The following SDK1 variants were observed in gnomAD, a reference collection of about 807,000 sequenced individuals.
The protein encoded by SDK1 is protein sidekick-1.
A neutral mutation model predicts 245.5 loss-of-function variants in SDK1; 157 were observed. The ratio of observed to expected loss-of-function variants is 0.64; its 90% CI spans 0.56 to 0.73. The LOEUF (loss-of-function observed/expected upper bound fraction) is 0.73. SDK1 is among the 30% of genes least tolerant of loss of function. The pLI, the probability that SDK1 is intolerant of heterozygous loss-of-function variation, is 0.00. For synonymous variants in SDK1, 1,647 were observed against 1,278.5 expected (o/e 1.29, Z -6.15); for missense variants, 3,583 against 3,002.3 (o/e 1.19, Z -4.52).
chr7:3,373,835 A>G (rs1781288580), intron 1 of SDK1, among the ~76,000 whole-genome samples: 2 of 152,286 alleles, frequency 1.3e-5, no homozygotes, highest in South Asian at 4.2e-4. Flanking sequence ...GTATATATTA[A>G]CCATTTATAA....
chr7:4,264,614 G>A (rs1419406519), intron 44 of SDK1, among the ~76,000 whole-genome samples: 15 of 149,950 alleles, frequency 1.0e-4, no homozygotes, highest in African/African-American at 3.2e-4. Context: ...CTGAGTGAGG[G>A]AAGCCGTGTG....
At chr7:4,208,438 G>A (rs1256282035) in intron 37 of SDK1, among the ~76,000 whole-genome samples, 153 bp downstream of exon 37, 1 of 152,246 alleles carries the variant, frequency 6.6e-6, no homozygotes, top group East Asian at 1.9e-4. Context: ...GGCAGGACTG[G>A]GTTTGGCTCA....
At chr7:3,906,735 A>C (rs7781092) in intron 5 of SDK1, among the ~76,000 whole-genome samples, 6,596 of 141,762 alleles carry the variant, frequency 0.047, 513 homozygotes, top group African/African-American at 0.16. Flanking sequence ...TCAAGCAATT[A>C]TCCTGCCTCA....
intron 1 of SDK1, among the ~76,000 whole-genome samples, chr7:3,449,024 G>C (rs1402065515): frequency 1.3e-5 from 2 of 152,182 alleles, no homozygotes; most frequent in African/African-American, 4.8e-5. Context: ...CATTTCTTCT[G>C]TAAAAGCAAT....
At chr7:4,162,302 A>G (rs938590204) in intron 32 of SDK1, among the ~76,000 whole-genome samples, 3 of 151,242 alleles carry the variant, frequency 2.0e-5, no homozygotes, top group African/African-American at 7.3e-5. Flanking sequence ...CAAAATATCT[A>G]CCGGATTGTA....
chr7:4,161,992 C>T, intron 32 of SDK1, 136 bp downstream of exon 32: 1 of 692,132 alleles, frequency 1.4e-6, no homozygotes, highest in Non-Finnish European at 2.5e-6. Flanking sequence ...GAGACACACC[C>T]TCAGACTCAA....
intron 1 of SDK1, among the ~76,000 whole-genome samples, chr7:3,427,700 C>T (rs1052612703): frequency 2.0e-5 from 3 of 152,032 alleles, no homozygotes; most frequent in African/African-American, 7.2e-5. Flanking sequence ...GTATTTCATC[C>T]TTTGTGCTTT....
intron 1 of SDK1, among the ~76,000 whole-genome samples, chr7:3,550,056 A>G (rs753272711): frequency 1.3e-5 from 2 of 152,186 alleles, no homozygotes; most frequent in Non-Finnish European, 2.9e-5. Context: ...TGTAAAATCA[A>G]TGTGAATATG....
At chr7:4,040,032 G>A (rs1331495177) in intron 17 of SDK1, among the ~76,000 whole-genome samples, 1 of 152,188 alleles carries the variant, frequency 6.6e-6, no homozygotes, top group African/African-American at 2.4e-5. Context: ...CTGCATGAGA[G>A]GAAGACGCTG....
At chr7:3,404,145 G>A (rs1485438418) in intron 1 of SDK1, among the ~76,000 whole-genome samples, 1 of 151,708 alleles carries the variant, frequency 6.6e-6, no homozygotes, top group Admixed American at 6.6e-5. Context: ...TGGAAAAATG[G>A]CATCAATAGA....
chr7:3,382,404 T>G (rs1002733981), intron 1 of SDK1, among the ~76,000 whole-genome samples: 1 of 152,184 alleles, frequency 6.6e-6, no homozygotes, highest in African/African-American at 2.4e-5. Flanking sequence ...CAGCTGCTGT[T>G]CTGTGGATTG....
intron 22 of SDK1, among the ~76,000 whole-genome samples, chr7:4,100,985 CG>C (rs1215895417): frequency 6.6e-6 from 1 of 152,144 alleles, no homozygotes; most frequent in Admixed American, 6.5e-5. Context: ...GGGTGCGTGA[CG>C]GGGGAAGGGA....
intron 5 of SDK1, among the ~76,000 whole-genome samples, chr7:3,854,532 C>T (rs1321357983): frequency 1.3e-5 from 2 of 152,116 alleles, no homozygotes; most frequent in Non-Finnish European, 2.9e-5. Flanking sequence ...CACAGAGCAA[C>T]CATATTCCGT....
intron 20 of SDK1, among the ~76,000 whole-genome samples, chr7:4,069,055 G>T (rs1293755129): frequency 6.6e-6 from 1 of 152,124 alleles, no homozygotes; most frequent in Non-Finnish European, 1.5e-5. Flanking sequence ...AACCTTTTAG[G>T]TTAAAGCTTA....
chr7:3,633,435 G>C (rs1266442780), intron 2 of SDK1, among the ~76,000 whole-genome samples: 24 of 152,094 alleles, frequency 1.6e-4, no homozygotes, highest in Admixed American at 1.6e-3. Flanking sequence ...GGAAAGGACT[G>C]CTGAACAGTA....
intron 4 of SDK1, among the ~76,000 whole-genome samples, chr7:3,782,720 A>G (rs974353098): frequency 1.3e-5 from 2 of 152,238 alleles, no homozygotes; most frequent in Non-Finnish European, 2.9e-5. Flanking sequence ...ATGTAACGCA[A>G]GGGTATCATA....
At chr7:3,591,905 T>G (rs1780887303) in intron 1 of SDK1, among the ~76,000 whole-genome samples, 1 of 152,186 alleles carries the variant, frequency 6.6e-6, no homozygotes, top group South Asian at 2.1e-4. Context: ...GTGTCTGAAG[T>G]TTGAGAGGAC....
intron 28 of SDK1, among the ~76,000 whole-genome samples, chr7:4,143,240 C>A (rs866908084): frequency 3.7e-4 from 57 of 152,240 alleles, no homozygotes; most frequent in African/African-American, 1.3e-3. Flanking sequence ...GTGGACAGGT[C>A]CGGGGAATAA....
chr7:4,150,431 C>A (rs538876397), intron 30 of SDK1, among the ~76,000 whole-genome samples: 9 of 152,208 alleles, frequency 5.9e-5, no homozygotes, highest in Non-Finnish European at 1.2e-4. Context: ...CCAGGCTGGC[C>A]GAGCTTCCTC....
Sources: gnomAD v4.1 joint callset for allele counts (sites outside exome capture counted in the v4.1 genomes callset) on GRCh38, gnomAD v4.1.1 for gene constraint, MANE v1.5 for transcripts, NCBI Gene and HGNC (gene_info 2026-07-23, HGNC 2026-07-21) for gene names.